Variants in INPP4B observed in about 807,000 individuals in gnomAD.
INPP4B encodes inositol polyphosphate-4-phosphatase type II B.
In INPP4B, 55 loss-of-function variants were observed where a neutral mutation model predicts 122.5. The observed-to-expected ratio is 0.45, with a 90% CI of 0.36 to 0.56. INPP4B has a LOEUF of 0.56. Ranked by LOEUF, INPP4B falls within the 20% of genes least tolerant of loss-of-function variation. The probability of loss-of-function intolerance (pLI) is 0.00; values close to 1 mark genes in which losing one functional copy is unlikely to be tolerated. For missense variants in INPP4B, 1,000 were observed against 1,097.7 expected (o/e 0.91, Z 1.26); for synonymous variants, 403 against 388.7 (o/e 1.04, Z -0.43).
At chr4:142,826,340 A>C (rs11942011) in intron 1 of INPP4B, among the ~76,000 whole-genome samples, 7,118 of 152,194 alleles carry the variant, frequency 0.047, 573 homozygotes, top group African/African-American at 0.16. Flanking sequence ...ACTGCACAAG[A>C]ATCAATAGCA....
rs542326134 is a variant in INPP4B, at chr4:142,212,966, T to G, written c.837-3940A>C. On this transcript the variant is annotated intron_variant, in intron 12 of 25. Coordinates refer to ENST00000262992, the MANE Select transcript of INPP4B (RefSeq NM_001101669.3). ...TCATGCTGGTGTTTTGGCTGAACTT[T>G]TCATGATTAATATTATTCCACTGTA... Among the ~76,000 whole-genome samples, 4 of 152,322 alleles carry G rather than the reference T, an allele frequency of 2.6e-5. No homozygotes were observed. In the East Asian group the frequency reaches 7.7e-4, roughly 29 times the overall value.
intron 2 of INPP4B, among the ~76,000 whole-genome samples, chr4:142,548,749 CTGTGTG>C (rs35765248): frequency 0.073 from 10,590 of 144,918 alleles, 434 homozygotes; most frequent in African/African-American, 0.12. Context: ...ACAGATGTGT[CTGTGTG>C]TGTGTGTGTG....
At chr4:142,286,025 G>A (rs868294257) in intron 9 of INPP4B, among the ~76,000 whole-genome samples, 2 of 152,120 alleles carry the variant, frequency 1.3e-5, no homozygotes, top group Non-Finnish European at 2.9e-5. Context: ...ACTGAATCAC[G>A]ATTTAAGCAG....
intron 25 of INPP4B, among the ~76,000 whole-genome samples, chr4:142,036,958 A>G (rs1460753030): frequency 6.6e-6 from 1 of 152,222 alleles, no homozygotes; most frequent in Non-Finnish European, 1.5e-5. Context: ...TGCAAAATGC[A>G]AGGGATGTTT....
intron 22 of INPP4B, among the ~76,000 whole-genome samples, chr4:142,109,389 AATCTAACCTAT>A (rs1325399248): frequency 1.1e-4 from 17 of 152,300 alleles, no homozygotes; most frequent in African/African-American, 4.1e-4. Flanking sequence ...TGGAAAAATT[AATCTAACCTAT>A]ATTTCATCAT....
intron 23 of INPP4B, among the ~76,000 whole-genome samples, chr4:142,098,344 AAACAAC>A (rs754225294): frequency 2.4e-4 from 36 of 152,238 alleles, no homozygotes; most frequent in Non-Finnish European, 4.4e-4. Flanking sequence ...GAAAACAAAC[AAACAAC>A]AACAACAACA....
intron 16 of INPP4B, among the ~76,000 whole-genome samples, chr4:142,163,393 C>T (rs1821083923): frequency 6.6e-6 from 1 of 151,776 alleles, no homozygotes; most frequent in Non-Finnish European, 1.5e-5. Context: ...GTCACCAGAT[C>T]GACTGTCAGG....
At chr4:142,606,218 T>C (rs1288198790) in intron 2 of INPP4B, among the ~76,000 whole-genome samples, 2 of 151,734 alleles carry the variant, frequency 1.3e-5, no homozygotes, top group African/African-American at 2.4e-5. Context: ...ACATGGAGAA[T>C]AGAACTAGAA....
chr4:142,120,268 A>G (rs1464439165), intron 21 of INPP4B, among the ~76,000 whole-genome samples: 3 of 152,124 alleles, frequency 2.0e-5, no homozygotes, highest in African/African-American at 4.8e-5. Context: ...TTGTGAAGTC[A>G]GAAAGTGTAA....
intron 2 of INPP4B, among the ~76,000 whole-genome samples, chr4:142,622,842 G>A (rs369580995): frequency 1.4e-4 from 21 of 152,008 alleles, no homozygotes; most frequent in East Asian, 5.8e-4. Flanking sequence ...TTGGAACAGC[G>A]TTATTGAGAT....
At chr4:142,267,560 A>G (rs113919702) in intron 10 of INPP4B, among the ~76,000 whole-genome samples, 25 of 152,338 alleles carry the variant, frequency 1.6e-4, no homozygotes, top group African/African-American at 5.8e-4. Context: ...CTCATGCACA[A>G]AAATCAACTC....
intron 2 of INPP4B, among the ~76,000 whole-genome samples, chr4:142,618,960 A>T (rs1279861099): frequency 6.6e-6 from 1 of 152,072 alleles, no homozygotes; most frequent in Non-Finnish European, 1.5e-5. Context: ...AAGACCACAT[A>T]TGAAAGGCCA....
At chr4:142,623,048 C>T (rs148082943) in intron 2 of INPP4B, among the ~76,000 whole-genome samples, 2 of 152,116 alleles carry the variant, frequency 1.3e-5, no homozygotes, top group Non-Finnish European at 2.9e-5. Context: ...TTCTCCTACA[C>T]TTCTGACTTT....
chr4:142,845,043 G>A (rs558455614), intron 1 of INPP4B, among the ~76,000 whole-genome samples: 2 of 152,280 alleles, frequency 1.3e-5, no homozygotes, highest in East Asian at 3.9e-4. Context: ...AAAGAGAAAG[G>A]AAAACTAGTT....
chr4:142,250,521 T>G (rs1216341607), intron 11 of INPP4B, among the ~76,000 whole-genome samples: 1 of 152,200 alleles, frequency 6.6e-6, no homozygotes, highest in Non-Finnish European at 1.5e-5. Context: ...AATTTCAAAG[T>G]TGCTGAGTTT....
intron 16 of INPP4B, among the ~76,000 whole-genome samples, chr4:142,165,714 G>C (rs1236410813): frequency 6.6e-6 from 1 of 151,668 alleles, no homozygotes; most frequent in Non-Finnish European, 1.5e-5. Flanking sequence ...AGTGCCAACA[G>C]AATAACATTT....
At chr4:142,156,710 A>C (rs1035674262) in intron 17 of INPP4B, among the ~76,000 whole-genome samples, 1 of 152,094 alleles carries the variant, frequency 6.6e-6, no homozygotes, top group African/African-American at 2.4e-5. Flanking sequence ...TATGCCATCA[A>C]TTTTGTCAAC....
At chr4:142,660,602 A>C (rs927507785) in intron 2 of INPP4B, among the ~76,000 whole-genome samples, 6 of 152,130 alleles carry the variant, frequency 3.9e-5, no homozygotes, top group African/African-American at 1.4e-4. Context: ...AGGGGAAGGA[A>C]ACCCAGAAGC....
At chr4:142,839,016 G>A (rs1428864337) in intron 1 of INPP4B, among the ~76,000 whole-genome samples, 1 of 152,192 alleles carries the variant, frequency 6.6e-6, no homozygotes, top group Non-Finnish European at 1.5e-5. Context: ...TCTCCAAAAG[G>A]ATGTGACTTA....
Sources: gnomAD v4.1 joint callset for allele counts (sites outside exome capture counted in the v4.1 genomes callset) on GRCh38, gnomAD v4.1.1 for gene constraint, MANE v1.5 for transcripts, NCBI Gene and HGNC (gene_info 2026-07-23, HGNC 2026-07-21) for gene names.